The following NFIB variants were observed in gnomAD, a reference collection of about 807,000 sequenced individuals.
The protein encoded by NFIB is nuclear factor I B.
A neutral mutation model predicts 61.5 loss-of-function variants in NFIB; 11 were observed. The ratio of observed to expected loss-of-function variants is 0.18; its 90% CI spans 0.11 to 0.30. The LOEUF (loss-of-function observed/expected upper bound fraction) is 0.30. Ranked by LOEUF, NFIB falls within the 10% of genes least tolerant of loss-of-function variation. The pLI, the probability that NFIB is intolerant of heterozygous loss-of-function variation, is 1.00. For missense variants in NFIB, 471 were observed against 608.9 expected, an observed-to-expected ratio of 0.77 and a Z score of 2.38; for synonymous variants, 260 against 216.5, an observed-to-expected ratio of 1.20 and a Z score of -1.76.
chr9:14,435,490 G>C, the NFIB span, among the ~76,000 whole-genome samples: 1 of 152,162 alleles, frequency 6.6e-6, no homozygotes, highest in African/African-American at 2.4e-5. Context: ...CATCTATTAA[G>C]TGGAGATAAA....
upstream of NFIB, among the ~76,000 whole-genome samples, chr9:14,315,711 G>A (rs530454551): frequency 5.3e-5 from 8 of 151,488 alleles, no homozygotes; most frequent in African/African-American, 1.9e-4. Flanking sequence ...TGAAGAAGGC[G>A]GTTCGCCTTG....
intron 1 of NFIB, among the ~76,000 whole-genome samples, chr9:14,383,048 CT>C (rs1305385662): frequency 6.6e-6 from 1 of 151,306 alleles, no homozygotes; most frequent in Non-Finnish European, 1.5e-5. Context: ...GTGTGGAACT[CT>C]TAAGAGAAGG....
intron 2 of NFIB, among the ~76,000 whole-genome samples, chr9:14,253,173 C>T (rs2055845762): frequency 2.0e-5 from 3 of 152,218 alleles, no homozygotes; most frequent in Non-Finnish European, 2.9e-5. Flanking sequence ...CTGATGGTTA[C>T]AGCTCATCTT....
intron 10 of NFIB, among the ~76,000 whole-genome samples, chr9:14,105,605 G>A (rs918170404): frequency 2.0e-5 from 3 of 152,102 alleles, no homozygotes; most frequent in African/African-American, 7.2e-5. Context: ...AAATTTTAAA[G>A]TGATGGTATG....
chr9:14,435,858 C>T, the NFIB span, among the ~76,000 whole-genome samples: 1 of 152,176 alleles, frequency 6.6e-6, no homozygotes, highest in Non-Finnish European at 1.5e-5. Flanking sequence ...TTCCGAATGA[C>T]CACAAAAGAT....
chr9:14,113,822 C>T (rs940930785), intron 9 of NFIB, among the ~76,000 whole-genome samples: 5 of 152,066 alleles, frequency 3.3e-5, no homozygotes, highest in African/African-American at 1.2e-4. Flanking sequence ...CTATTCCTTA[C>T]ATTGTTATAG....
the NFIB span, among the ~76,000 whole-genome samples, chr9:14,415,650 A>G: frequency 6.6e-6 from 1 of 152,266 alleles, no homozygotes; most frequent in African/African-American, 2.4e-5. Context: ...AGAGACATGA[A>G]GCTTAGGGAA....
At chr9:14,264,483 A>C (rs1305991860) in intron 2 of NFIB, among the ~76,000 whole-genome samples, 1 of 152,220 alleles carries the variant, frequency 6.6e-6, no homozygotes, top group South Asian at 2.1e-4. Context: ...CTCTCTGTGC[A>C]TTTAAGAGCA....
the NFIB span, among the ~76,000 whole-genome samples, chr9:14,447,089 T>A: frequency 1.3e-5 from 2 of 152,162 alleles, no homozygotes; most frequent in African/African-American, 4.8e-5. Context: ...ATAAGAATCT[T>A]ATATTTCATA....
intron 6 of NFIB, among the ~76,000 whole-genome samples, chr9:14,132,674 C>A (rs1266209080): frequency 6.6e-6 from 1 of 151,974 alleles, no homozygotes; most frequent in African/African-American, 2.4e-5. Flanking sequence ...TTCAAGCGAT[C>A]CTCCCATCTC....
chr9:14,280,895 T>A (rs984585306), intron 2 of NFIB, among the ~76,000 whole-genome samples: 1 of 152,182 alleles, frequency 6.6e-6, no homozygotes, highest in Non-Finnish European at 1.5e-5. Context: ...ATAGTTGTGA[T>A]CATTTAAAAA....
chr9:14,204,710 G>C (rs1563898407), intron 2 of NFIB: 4 of 604,232 alleles, frequency 6.6e-6, no homozygotes, highest in South Asian at 5.6e-5. Context: ...TCAGTTGGTG[G>C]TGATTGCATA....
chr9:14,181,051 G>A (rs1245884067), intron 2 of NFIB, among the ~76,000 whole-genome samples: 4 of 151,992 alleles, frequency 2.6e-5, no homozygotes, highest in African/African-American at 4.8e-5. Context: ...TTTTTTCATC[G>A]GGGTTATTCT....
chr9:14,130,092 G>T (rs138279316), intron 6 of NFIB, among the ~76,000 whole-genome samples: 2 of 151,622 alleles, frequency 1.3e-5, no homozygotes, highest in African/African-American at 4.8e-5. Flanking sequence ...TGTTCTCACC[G>T]CCCTTTTCAC....
intron 1 of NFIB, among the ~76,000 whole-genome samples, chr9:14,349,965 C>G (rs1169532218): frequency 2.0e-5 from 3 of 152,172 alleles, no homozygotes; most frequent in Admixed American, 2.0e-4. Context: ...TCTATACCCA[C>G]TCATCTGGGC....
rs552203722 is a variant in NFIB at position 14,271,875 on chromosome 9, G to T, written c.562+35114C>A. 1.0e-3 allele frequency among the ~76,000 whole-genome samples: 153 copies of T among 152,260 alleles called. 2 individuals are homozygous for T. Among genetic ancestry groups the T allele is most frequent in the Non-Finnish European group, 1.7e-3 (116 of 68,010 alleles). The stretch of plus-strand genomic sequence containing the variant: ...TGGTCCATCTTAAAAACACTCATAA[G>T]AACTCTGGGTAGAGAATTTTTGTCC... On this transcript the variant is annotated intron_variant, in intron 2 of 10. Transcript: ENST00000380953.
chr9:14,332,330 CA>C lies in NFIB; in HGVS notation c.109-24811del, dbSNP rs5896627. Among the ~76,000 whole-genome samples the C allele has an allele frequency of 2.7e-3, 290 of 108,070 alleles. 1 individual carries two copies. Among genetic ancestry groups the C allele is most frequent in the Middle Eastern group, 0.014 (3 of 210 alleles). 70.9% of individuals were successfully genotyped at this position (108,070 alleles called of 152,430 possible). A position where few individuals can be genotyped will look rare whatever the true frequency, so the allele number is the denominator to read the frequency against. On this transcript the variant is annotated intron_variant, in intron 1 of 8. Transcript: ENST00000380934. ...CCTGGGCAACAGAGCGAGACTCCGT[CA>C]AAAAAAAAAAAAAAAAAAACACACA...
At chr9:14,309,387 T>C (rs976900844) in intron 1 of NFIB, among the ~76,000 whole-genome samples, 1 of 152,212 alleles carries the variant, frequency 6.6e-6, no homozygotes, top group East Asian at 1.9e-4. Flanking sequence ...TGTTCTAACA[T>C]TGCTGTAAGT....
the NFIB span, among the ~76,000 whole-genome samples, chr9:14,514,618 G>A: frequency 6.6e-6 from 1 of 152,066 alleles, no homozygotes; most frequent in Non-Finnish European, 1.5e-5. Flanking sequence ...AAGGAGATGT[G>A]GGTCAATATT....
Sources: gnomAD v4.1 joint callset for allele counts (sites outside exome capture counted in the v4.1 genomes callset) on GRCh38, gnomAD v4.1.1 for gene constraint, MANE v1.5 for transcripts, NCBI Gene and HGNC (gene_info 2026-07-23, HGNC 2026-07-21) for gene names.